HMGCLL1: variants seen among roughly 807,000 people sequenced by gnomAD.
HMGCLL1 encodes the protein 3-hydroxy-3-methylglutaryl-CoA lyase like 1.
Under a neutral mutation model 39.1 loss-of-function variants are expected in HMGCLL1, and 36 were observed. The ratio of observed to expected loss-of-function variants is 0.92; its 90% CI spans 0.71 to 1.22. HMGCLL1 has a LOEUF of 1.22. Ranked by LOEUF, HMGCLL1 falls within the 50% of genes most tolerant of loss-of-function variation. The probability of loss-of-function intolerance (pLI) is 0.00; values close to 1 mark genes in which losing one functional copy is unlikely to be tolerated. For synonymous variants in HMGCLL1, 149 were observed against 144.0 expected (o/e 1.03, Z -0.25); for missense variants, 451 against 416.5 (o/e 1.08, Z -0.72).
intron 1 of HMGCLL1, among the ~76,000 whole-genome samples, chr6:55,568,284 C>A (rs950695615): frequency 2.6e-5 from 4 of 152,084 alleles, no homozygotes; most frequent in Admixed American, 1.3e-4. Context: ...AAGATGGCAA[C>A]CTTCTGGCAA....
At chr6:55,604,833 G>A in the HMGCLL1 span, among the ~76,000 whole-genome samples, 2 of 152,116 alleles carry the variant, frequency 1.3e-5, no homozygotes, top group African/African-American at 2.4e-5. Flanking sequence ...CACACAGTGG[G>A]CACTACATTA....
the HMGCLL1 span, among the ~76,000 whole-genome samples, chr6:55,673,615 A>C: frequency 1.3e-5 from 2 of 152,162 alleles, no homozygotes; most frequent in African/African-American, 2.4e-5. Context: ...CAGTCACGTT[A>C]AAATATTGCT....
chr6:55,642,253 G>A, the HMGCLL1 span, among the ~76,000 whole-genome samples: 1 of 149,520 alleles, frequency 6.7e-6, no homozygotes, highest in Non-Finnish European at 1.5e-5. Flanking sequence ...ATTTTTTATG[G>A]CTGCATAGTA....
intron 7 of HMGCLL1, among the ~76,000 whole-genome samples, chr6:55,461,742 A>G (rs990782688): frequency 6.6e-6 from 1 of 152,120 alleles, no homozygotes; most frequent in African/African-American, 2.4e-5. Context: ...AAATGTAGGT[A>G]CACTTGATTT....
At chr6:55,641,493 T>C in the HMGCLL1 span, among the ~76,000 whole-genome samples, 6 of 151,880 alleles carry the variant, frequency 4.0e-5, no homozygotes, top group African/African-American at 1.5e-4. Context: ...TGTGTGTGTA[T>C]TCACACACAT....
At chr6:55,581,417 T>C (rs1771984688), upstream of HMGCLL1, among the ~76,000 whole-genome samples, 1 of 152,104 alleles carries the variant, frequency 6.6e-6, no homozygotes, top group Non-Finnish European at 1.5e-5. Context: ...CCAAATATCT[T>C]AAGAATGTTT....
At chr6:55,453,151 G>T (rs888135168) in intron 7 of HMGCLL1, among the ~76,000 whole-genome samples, 2 of 151,980 alleles carry the variant, frequency 1.3e-5, no homozygotes, top group African/African-American at 4.8e-5. Context: ...GTACTAAGAA[G>T]TTTGTTGTTG....
the HMGCLL1 span, among the ~76,000 whole-genome samples, chr6:55,620,855 C>G: frequency 1.3e-5 from 2 of 152,128 alleles, no homozygotes. Flanking sequence ...GTCCAGCTTT[C>G]CCAGCACCAT....
At chr6:55,553,947 C>A (rs1031509243) in intron 1 of HMGCLL1, among the ~76,000 whole-genome samples, 1 of 152,154 alleles carries the variant, frequency 6.6e-6, no homozygotes, top group African/African-American at 2.4e-5. Context: ...CATTTTGGAA[C>A]CTGCCAACAT....
At chr6:55,554,111 A>G (rs1336584050) in intron 1 of HMGCLL1, among the ~76,000 whole-genome samples, 2 of 152,194 alleles carry the variant, frequency 1.3e-5, no homozygotes, top group African/African-American at 4.8e-5. Context: ...TGGCTCAATA[A>G]TGCCATAAGT....
At chr6:55,630,645 G>A in the HMGCLL1 span, among the ~76,000 whole-genome samples, 3 of 152,020 alleles carry the variant, frequency 2.0e-5, no homozygotes, top group East Asian at 3.9e-4. Flanking sequence ...GAGGGACCTG[G>A]TGGAGGTAAC....
At chr6:55,561,826 A>G (rs1176210351) in intron 1 of HMGCLL1, among the ~76,000 whole-genome samples, 2 of 152,040 alleles carry the variant, frequency 1.3e-5, no homozygotes, top group Non-Finnish European at 2.9e-5. Flanking sequence ...ATTTCATTTC[A>G]TACCACTCTT....
intron 7 of HMGCLL1, among the ~76,000 whole-genome samples, chr6:55,493,583 A>G (rs1262517796): frequency 1.3e-5 from 2 of 152,186 alleles, no homozygotes; most frequent in Admixed American, 1.3e-4. Context: ...TTTAATTACT[A>G]GGACATAATC....
chr6:55,545,370 C>T (rs980117010), intron 1 of HMGCLL1, among the ~76,000 whole-genome samples: 4 of 152,126 alleles, frequency 2.6e-5, no homozygotes, highest in Admixed American at 6.6e-5. Flanking sequence ...ATTAAATCAC[C>T]GATTATTAAC....
the HMGCLL1 span, among the ~76,000 whole-genome samples, chr6:55,670,387 C>T: frequency 2.0e-5 from 3 of 151,616 alleles, no homozygotes; most frequent in African/African-American, 7.3e-5. Context: ...AGAAATTATA[C>T]CAGAAGAAAA....
In HMGCLL1 at chr6:55,450,207, T is replaced by G. The variant is rs190192428; in HGVS notation, c.796-10648A>C. 2.0e-3 allele frequency among the ~76,000 whole-genome samples: 311 copies of G among 152,246 alleles called. 1 individual carries two copies. The highest frequency in any genetic ancestry group is 7.1e-3 in the African/African-American group (297 of 41,562). On this transcript the variant is annotated intron_variant, in intron 7 of 8. Transcript: ENST00000274901. Reference sequence around the variant, plus strand: ...ATACCACAGTGATGAGTGCAACAGATGGTTAAGGAAAATGACAGCTGAGAA... The same window carrying G: ...ATACCACAGTGATGAGTGCAACAGAGGGTTAAGGAAAATGACAGCTGAGAA...
At chr6:55,603,627 CAGA>C in the HMGCLL1 span, among the ~76,000 whole-genome samples, 1 of 152,156 alleles carries the variant, frequency 6.6e-6, no homozygotes, top group African/African-American at 2.4e-5. Context: ...TATGTCACCA[CAGA>C]AGGTCTTCTT....
intron 7 of HMGCLL1, among the ~76,000 whole-genome samples, chr6:55,483,040 T>TG: frequency 6.6e-6 from 1 of 152,226 alleles, no homozygotes; most frequent in East Asian, 1.9e-4. Context: ...TATGGAATCA[T>TG]GGGCCTCCTA....
chr6:55,441,046 A>C (rs1257614602), intron 7 of HMGCLL1, among the ~76,000 whole-genome samples: 1 of 151,954 alleles, frequency 6.6e-6, no homozygotes, highest in Non-Finnish European at 1.5e-5. Flanking sequence ...TTTATTTAGG[A>C]ACATTGCAGT....
Sources: gnomAD v4.1 joint callset for allele counts (sites outside exome capture counted in the v4.1 genomes callset) on GRCh38, gnomAD v4.1.1 for gene constraint, MANE v1.5 for transcripts, NCBI Gene and HGNC (gene_info 2026-07-23, HGNC 2026-07-21) for gene names.